Variants in P3H2 observed in about 807,000 individuals in gnomAD.
The protein encoded by P3H2 is prolyl 3-hydroxylase 2, also known as leprecan-like 1.
Under a neutral mutation model 87.0 loss-of-function variants are expected in P3H2, and 80 were observed. That is an observed-to-expected ratio of 0.92 (90% confidence interval 0.77 to 1.11). The LOEUF (loss-of-function observed/expected upper bound fraction) is 1.11. Ranked by LOEUF, P3H2 falls within the 50% of genes least tolerant of loss-of-function variation. The pLI is 0.00. For missense variants in P3H2, 1,001 were observed against 923.9 expected (o/e 1.08, Z -1.08); for synonymous variants, 367 against 359.3 (o/e 1.02, Z -0.24).
chr3:189,983,648 T>C (rs76551666), intron 7 of P3H2, among the ~76,000 whole-genome samples: 235 of 152,338 alleles, frequency 1.5e-3, no homozygotes, highest in African/African-American at 5.6e-3. Context: ...CAAATGTGTA[T>C]ATACATTCTT....
chr3:190,121,055 C>A (rs1387257367), upstream of P3H2: 1 of 350,268 alleles, frequency 2.9e-6, no homozygotes, highest in East Asian at 5.2e-5. Flanking sequence ...GAGCTAGCGC[C>A]GCTTGAGGCC....
intron 1 of P3H2, among the ~76,000 whole-genome samples, chr3:190,054,631 T>A (rs1388024697): frequency 2.6e-5 from 4 of 152,180 alleles, no homozygotes; most frequent in Non-Finnish European, 5.9e-5. Context: ...TGGAGAGTCC[T>A]AACTGCTTTA....
At position 190,063,085 on chromosome 3, in the gene P3H2, C is replaced by T. The variant is rs529835172; in HGVS notation, c.480+57167G>A. On this transcript the variant is annotated intron_variant, in intron 1 of 14. Coordinates refer to ENST00000319332, the MANE Select transcript of P3H2 (RefSeq NM_018192.4). ...AGTGTATTTGGGCCCAAACCACATT[C>T]CCCAACAAATGGCTCCTGAGATGTT... Among the ~76,000 whole-genome samples the T allele has an allele frequency of 1.2e-3, 184 of 152,224 alleles. 2 individuals are homozygous for T. In the South Asian group the frequency reaches 0.02, roughly 16 times the overall value.
chr3:189,988,413 G>C (rs1368609811), intron 4 of P3H2, among the ~76,000 whole-genome samples: 1 of 151,658 alleles, frequency 6.6e-6, no homozygotes, highest in Admixed American at 6.6e-5. Flanking sequence ...GTGCATGTAT[G>C]TGTGTATAAT....
intron 1 of P3H2, among the ~76,000 whole-genome samples, chr3:190,012,782 C>T (rs889217753): frequency 6.6e-6 from 1 of 152,230 alleles, no homozygotes; most frequent in East Asian, 1.9e-4. Context: ...TGTCTGTATT[C>T]CCCCCAGTGG....
At chr3:190,116,994 CAA>C (rs1712313526) in intron 1 of P3H2, among the ~76,000 whole-genome samples, 1 of 152,128 alleles carries the variant, frequency 6.6e-6, no homozygotes, top group Non-Finnish European at 1.5e-5. Context: ...TGGAGCTGTC[CAA>C]ATCTGGCATA....
At chr3:190,040,053 A>C (rs1725559153) in intron 1 of P3H2, among the ~76,000 whole-genome samples, 1 of 152,216 alleles carries the variant, frequency 6.6e-6, no homozygotes, top group African/African-American at 2.4e-5. Flanking sequence ...TATTTCTTAA[A>C]TAGATATTTA....
intron 8 of P3H2, among the ~76,000 whole-genome samples, chr3:189,978,033 T>C (rs1418816906): frequency 6.6e-6 from 1 of 152,220 alleles, no homozygotes; most frequent in Admixed American, 6.5e-5. Context: ...CCCTCGAATA[T>C]TTGGAAAAGT....
intron 1 of P3H2, among the ~76,000 whole-genome samples, chr3:190,046,473 A>C (rs1484477985): frequency 6.6e-6 from 1 of 152,150 alleles, no homozygotes; most frequent in Non-Finnish European, 1.5e-5. Flanking sequence ...TGGCCAAATG[A>C]AGTAATGGTA....
At position 190,078,641 on chromosome 3, in the gene P3H2, T is replaced by A. The variant is rs150420928; in HGVS notation, c.480+41611A>T. ...TACTATGACCCAATGGCATATATAT[T>A]CACAAACTGGAAAAGGACACAGAAA... On this transcript the variant is annotated intron_variant, in intron 1 of 14. Coordinates refer to ENST00000319332, the MANE Select transcript of P3H2 (RefSeq NM_018192.4). Among the ~76,000 whole-genome samples the A allele has an allele frequency of 5.9e-5, 9 of 152,306 alleles. No homozygotes were observed. In the East Asian group the frequency reaches 1.5e-3, roughly 26 times the overall value.
chr3:190,094,144 G>A (rs1353199018), intron 1 of P3H2, among the ~76,000 whole-genome samples: 1 of 152,186 alleles, frequency 6.6e-6, no homozygotes, highest in African/African-American at 2.4e-5. Context: ...CTGCTCTACT[G>A]ACTGGAACTA....
intron 1 of P3H2, among the ~76,000 whole-genome samples, chr3:190,085,975 C>A (rs1002753391): frequency 6.6e-6 from 1 of 152,056 alleles, no homozygotes; most frequent in Non-Finnish European, 1.5e-5. Context: ...CCATTGGGTG[C>A]AGCAAAATTT....
chr3:189,959,860 ATGTGTGTGTGTGTGTGTGTGTGTGTG>A lies in P3H2; in HGVS notation c.2035-1882_2035-1857del, dbSNP rs75204350. ...GTAACTCTCCAGGACTGGAGGAGAT[ATGTGTGTGTGTGTGTGTGTGTGTGTG>A]TGTGTGTGTGTGTGTGTGTGTGTGT... On this transcript the variant is annotated intron_variant, in intron 14 of 14. Transcript: ENST00000319332. Among the ~76,000 whole-genome samples the A allele has an allele frequency of 3.0e-4, 40 of 134,880 alleles. 1 individual carries two copies. Among genetic ancestry groups the A allele is most frequent in the African/African-American group, 9.6e-4 (35 of 36,624 alleles). 88.5% of individuals were successfully genotyped at this position (134,880 alleles called of 152,430 possible).
intron 13 of P3H2, among the ~76,000 whole-genome samples, chr3:189,968,125 T>C (rs1026355580): frequency 3.9e-5 from 6 of 152,156 alleles, no homozygotes; most frequent in African/African-American, 1.4e-4. Flanking sequence ...TTTTTATTAT[T>C]ATTATACTTT....
chr3:190,062,195 T>C (rs1163242866), intron 1 of P3H2, among the ~76,000 whole-genome samples: 1 of 152,146 alleles, frequency 6.6e-6, no homozygotes, highest in Non-Finnish European at 1.5e-5. Context: ...AAAATTAAGC[T>C]GCAATACTAT....
At position 189,958,005 on chromosome 3, in the gene P3H2, C is replaced by G; in HGVS notation, c.2035-1G>C. ...TCACTTCATCAGCCTGTATTCGCTC[C>G]TGCAAAAAAGACAATTTACACATTT... On this transcript the variant is annotated splice_acceptor_variant, in intron 14 of 14. Transcript: ENST00000319332. LOFTEE classifies it high-confidence loss of function. The G allele has an allele frequency of 1.2e-6, 2 of 1,611,196 alleles. No homozygotes were observed. The highest frequency in any genetic ancestry group is 1.7e-6 in the Non-Finnish European group (2 of 1,177,376).
At chr3:189,962,161 C>CTTCTTTTTT (rs1560336856) in intron 14 of P3H2, among the ~76,000 whole-genome samples, 1 of 87,614 alleles carries the variant, frequency 1.1e-5, no homozygotes, top group East Asian at 3.8e-4. Context: ...TCTTCTTCTT[C>CTTCTTTTTT]TTTTTTTTTT....
chr3:190,011,889 A>G (rs529445481), intron 1 of P3H2, among the ~76,000 whole-genome samples: 3 of 152,334 alleles, frequency 2.0e-5, no homozygotes, highest in Admixed American at 1.3e-4. Flanking sequence ...TCACTAGAAA[A>G]ATGTTATACA....
At chr3:190,066,999 T>A (rs2108970274) in intron 1 of P3H2, among the ~76,000 whole-genome samples, 1 of 150,950 alleles carries the variant, frequency 6.6e-6, no homozygotes. Flanking sequence ...TTATTCTTTT[T>A]TAATTTTCTT....
Sources: gnomAD v4.1 joint callset for allele counts (sites outside exome capture counted in the v4.1 genomes callset) on GRCh38, gnomAD v4.1.1 for gene constraint, MANE v1.5 for transcripts, NCBI Gene and HGNC (gene_info 2026-07-23, HGNC 2026-07-21) for gene names.